Variants in DGKE observed in about 807,000 individuals in gnomAD.
DGKE encodes the protein DAG kinase epsilon.
In DGKE, 53 loss-of-function variants were observed where a neutral mutation model predicts 70.0. The observed-to-expected ratio is 0.76, with a 90% CI of 0.61 to 0.95. The LOEUF is 0.95. Ranked by LOEUF, DGKE falls within the 40% of genes least tolerant of loss-of-function variation. The pLI, the probability that DGKE is intolerant of heterozygous loss-of-function variation, is 0.00. For synonymous variants in DGKE, 291 were observed against 257.0 expected, an observed-to-expected ratio of 1.13 and a Z score of -1.27; for missense variants, 655 against 706.9, an observed-to-expected ratio of 0.93 and a Z score of 0.83.
At position 56,863,278 on chromosome 17, in the gene DGKE, T is replaced by C. The variant is rs1448210011; in HGVS notation, c.*487T>C. On this transcript the variant is annotated 3_prime_UTR_variant, in exon 12 of 12. Coordinates refer to ENST00000284061, the MANE Select transcript of DGKE (RefSeq NM_003647.3). ...CCTCCTGCAGCATGCCCCTTAAGATTTTCTACAACCCAAACCAAGTGTATG... is the reference window on the plus strand; with the variant it reads ...CCTCCTGCAGCATGCCCCTTAAGATCTTCTACAACCCAAACCAAGTGTATG... The C allele has an allele frequency of 1.3e-5, 2 of 152,254 alleles. No homozygotes were observed. Among genetic ancestry groups the C allele is most frequent in the African/African-American group, 4.8e-5 (2 of 41,448 alleles). 9.4% of individuals were successfully genotyped at this position (152,254 alleles called of 1,614,324 possible).
At chr17:56,837,572 T>G (rs1402471726) in intron 2 of DGKE, among the ~76,000 whole-genome samples, 1 of 152,246 alleles carries the variant, frequency 6.6e-6, no homozygotes, top group Non-Finnish European at 1.5e-5. Context: ...TGTTCTGAAC[T>G]GATTTATGTT....
intron 2 of DGKE, among the ~76,000 whole-genome samples, chr17:56,838,022 T>C (rs1258627036): frequency 6.6e-6 from 1 of 152,204 alleles, no homozygotes; most frequent in Non-Finnish European, 1.5e-5. Flanking sequence ...CTGACTAAAA[T>C]AGGGAATTAG....
At position 56,867,927 on chromosome 17, in the gene DGKE, G is replaced by T. The variant is rs1473304496; in HGVS notation, c.*5136G>T. 2 of 147,348 alleles carry T rather than the reference G, an allele frequency of 1.4e-5. No individual in the cohort carries two copies. Among genetic ancestry groups the T allele is most frequent in the Non-Finnish European group, 3.0e-5 (2 of 66,086 alleles). 9.1% of individuals were successfully genotyped at this position (147,348 alleles called of 1,614,324 possible). ...ACTCCATCTCAAAAAAAAAAAAAAA[G>T]AAAGAAATGTGTTGCTGGTATCAGA... is the stretch of plus-strand genomic sequence containing the variant. On this transcript the variant is annotated 3_prime_UTR_variant, in exon 12 of 12. Transcript: ENST00000284061.
At chr17:56,851,860 G>A (rs1210192276) in intron 7 of DGKE, among the ~76,000 whole-genome samples, 5 of 152,028 alleles carry the variant, frequency 3.3e-5, no homozygotes, top group African/African-American at 1.2e-4. Context: ...ACTAAAATTC[G>A]GTATCAGATT....
At chr17:56,845,507 T>C (rs981229865) in intron 3 of DGKE, among the ~76,000 whole-genome samples, 183 bp from the exon 4 acceptor site, 4 of 152,218 alleles carry the variant, frequency 2.6e-5, no homozygotes, top group African/African-American at 9.6e-5. Flanking sequence ...GAATGGGAGC[T>C]TAAATTAGTT....
At chr17:56,859,577 G>A (rs145743671) in intron 9 of DGKE, among the ~76,000 whole-genome samples, 2,079 of 151,558 alleles carry the variant, frequency 0.014, 29 homozygotes, top group Non-Finnish European at 0.024. Context: ...CCACCACTAC[G>A]CCCGGCTAAT....
intron 3 of DGKE, among the ~76,000 whole-genome samples, 177 bp downstream of exon 3, chr17:56,844,355 A>G (rs1241719440): frequency 2.0e-5 from 3 of 152,210 alleles, no homozygotes; most frequent in Non-Finnish European, 4.4e-5. Flanking sequence ...ATAAAATCCT[A>G]CCTAGTTCCT....
At chr17:56,856,413 C>T in intron 7 of DGKE, 99 bp from the exon 8 acceptor site, 1 of 1,294,878 alleles carries the variant, frequency 7.7e-7, no homozygotes, top group Non-Finnish European at 1.1e-6. Flanking sequence ...GAAAGCATCT[C>T]CATTGTCAAA....
chr17:56,846,886 C>T (rs1410723557), intron 4 of DGKE, among the ~76,000 whole-genome samples: 1 of 152,016 alleles, frequency 6.6e-6, no homozygotes, highest in African/African-American at 2.4e-5. Context: ...AATCTAGATA[C>T]AAATTTGCAT....
At chr17:56,835,316 A>C (rs753647098) in intron 2 of DGKE, 57 bp downstream of exon 2, 41 of 1,534,432 alleles carry the variant, frequency 2.7e-5, no homozygotes, top group Non-Finnish European at 3.6e-5. Flanking sequence ...TCAGGATTTC[A>C]TAGAGTGGTG....
At chr17:56,852,079 A>C (rs1005983927) in intron 7 of DGKE, among the ~76,000 whole-genome samples, 4 of 152,244 alleles carry the variant, frequency 2.6e-5, no homozygotes, top group African/African-American at 9.6e-5. Context: ...ATCTCTAAAA[A>C]AAGAGAAAAA....
intron 9 of DGKE, among the ~76,000 whole-genome samples, chr17:56,859,665 G>A (rs551257136): frequency 3.9e-5 from 6 of 152,158 alleles, no homozygotes; most frequent in Admixed American, 1.3e-4. Context: ...TGATCTGCCC[G>A]ACTCAGCCTC....
At position 56,844,157 on chromosome 17, in the gene DGKE, CAAA is replaced by C; in HGVS notation, c.608_610del (p.Lys203del). Reference sequence around the variant, plus strand: ...CATCCATTAATCAGATGCGTAAAGACAAAAAAACAGATTATGAAGTGGTAATTA... The same window carrying C: ...CATCCATTAATCAGATGCGTAAAGACAAAACAGATTATGAAGTGGTAATTA... On this transcript the variant is annotated inframe_deletion, in exon 3 of 12. Transcript: ENST00000284061. 1 of 1,528,512 alleles carries C rather than the reference CAAA, an allele frequency of 6.5e-7. No homozygotes were observed. The highest frequency in any genetic ancestry group is 2.4e-5 in the Admixed American group (1 of 41,982). 94.7% of individuals were successfully genotyped at this position (1,528,512 alleles called of 1,614,324 possible). A position where few individuals can be genotyped will look rare whatever the true frequency, so the allele number is the denominator to read the frequency against.
chr17:56,860,456 C>CAGG (rs1306005137), intron 9 of DGKE, among the ~76,000 whole-genome samples: 1 of 152,176 alleles, frequency 6.6e-6, no homozygotes, highest in Non-Finnish European at 1.5e-5. Flanking sequence ...TTGAACCCAG[C>CAGG]AGGCAGAGGC....
At chr17:56,858,895 T>G (rs1265005574) in intron 9 of DGKE, among the ~76,000 whole-genome samples, 2 of 152,206 alleles carry the variant, frequency 1.3e-5, no homozygotes, top group Non-Finnish European at 2.9e-5. Context: ...AAAAGAAAAC[T>G]ATTTTAAATG....
intron 7 of DGKE, among the ~76,000 whole-genome samples, chr17:56,856,042 A>G (rs1315078474): frequency 6.6e-6 from 1 of 150,736 alleles, no homozygotes; most frequent in Non-Finnish European, 1.5e-5. Flanking sequence ...AGAAGAGGTC[A>G]AGGGTGTGTT....
rs1019480933 is a variant in DGKE, at chr17:56,863,587, G to C, written c.*796G>C. On this transcript the variant is annotated 3_prime_UTR_variant, in exon 12 of 12. Transcript: ENST00000284061. ...CAGCCGCTCTTTTTATTAAAAGACA[G>C]TGTCAACACTTCAAAAAACGTGCTT... 6.6e-6 allele frequency: 1 copy of C among 152,202 alleles called. No homozygotes were observed. Among genetic ancestry groups the C allele is most frequent in the East Asian group, 1.9e-4 (1 of 5,202 alleles). 9.4% of individuals were successfully genotyped at this position (152,202 alleles called of 1,614,324 possible). A position where few individuals can be genotyped will look rare whatever the true frequency, so the allele number is the denominator to read the frequency against.
intron 8 of DGKE, among the ~76,000 whole-genome samples, chr17:56,858,255 G>T (rs1410056779): frequency 6.6e-6 from 1 of 152,116 alleles, no homozygotes; most frequent in African/African-American, 2.4e-5. Flanking sequence ...TAGCCTAAGA[G>T]AATAAAATGT....
chr17:56,843,965 A>G (rs886660837), intron 2 of DGKE, 54 bp from the exon 3 acceptor site: 22 of 1,463,344 alleles, frequency 1.5e-5, no homozygotes, highest in Non-Finnish European at 1.7e-5. Flanking sequence ...TTTGTGGGTT[A>G]TCATTGAGAT....
Sources: gnomAD v4.1 joint callset for allele counts (sites outside exome capture counted in the v4.1 genomes callset) on GRCh38, gnomAD v4.1.1 for gene constraint, MANE v1.5 for transcripts, NCBI Gene and HGNC (gene_info 2026-07-23, HGNC 2026-07-21) for gene names.